The following MSRA variants were observed in gnomAD, a reference collection of about 807,000 sequenced individuals.
MSRA encodes the protein mitochondrial peptide methionine sulfoxide reductase.
MSRA carries 54 observed loss-of-function variants against 31.3 expected under a neutral mutation model. The observed-to-expected ratio is 1.73, with a 90% CI of 1.39 to 2.17. MSRA has a LOEUF of 2.17. Ranked by LOEUF, MSRA falls within the 30% of genes most tolerant of loss-of-function variation. The pLI, the probability that MSRA is intolerant of heterozygous loss-of-function variation, is 0.00. For missense variants in MSRA, 507 were observed against 300.9 expected (o/e 1.69, Z -5.07); for synonymous variants, 169 against 116.5 (o/e 1.45, Z -2.90).
At chr8:10,390,410 G>T (rs1238485646) in intron 5 of MSRA, among the ~76,000 whole-genome samples, 1 of 152,200 alleles carries the variant, frequency 6.6e-6, no homozygotes, top group African/African-American at 2.4e-5. Context: ...TAGGCTCCAT[G>T]TCTGCCCAGG....
At chr8:10,080,359 T>C (rs998752632) in intron 1 of MSRA, among the ~76,000 whole-genome samples, 1 of 151,796 alleles carries the variant, frequency 6.6e-6, no homozygotes, top group African/African-American at 2.4e-5. Flanking sequence ...AGACCAACCC[T>C]GTTTTCACTA....
At chr8:10,301,723 A>T in intron 4 of MSRA, 85 bp downstream of exon 4, 1 of 1,082,972 alleles carries the variant, frequency 9.2e-7, no homozygotes, top group African/African-American at 1.6e-5. Context: ...GAAGAGATGA[A>T]CCTTGAAATC....
At chr8:10,107,175 A>G (rs1799942499) in intron 1 of MSRA, among the ~76,000 whole-genome samples, 1 of 152,128 alleles carries the variant, frequency 6.6e-6, no homozygotes, top group Non-Finnish European at 1.5e-5. Flanking sequence ...GCTTTTCCTC[A>G]CCTTCTTGTC....
At chr8:10,218,623 T>G (rs1810217458) in intron 2 of MSRA, among the ~76,000 whole-genome samples, 1 of 152,240 alleles carries the variant, frequency 6.6e-6, no homozygotes, top group African/African-American at 2.4e-5. Flanking sequence ...AGATCCAGTT[T>G]GCTGAAGAAA....
intron 5 of MSRA, chr8:10,337,274 G>A (rs1563366128): frequency 6.4e-6 from 1 of 155,486 alleles, no homozygotes; most frequent in African/African-American, 2.4e-5. Context: ...CCACCTCGTG[G>A]GTTCACGCCA....
chr8:10,057,689 A>G (rs1309737183), intron 1 of MSRA, among the ~76,000 whole-genome samples: 2 of 151,994 alleles, frequency 1.3e-5, no homozygotes, highest in Non-Finnish European at 2.9e-5. Context: ...ACGAGATCTG[A>G]TTATTTAAAA....
At chr8:10,114,991 A>G (rs1198489157) in intron 1 of MSRA, among the ~76,000 whole-genome samples, 1 of 152,256 alleles carries the variant, frequency 6.6e-6, no homozygotes, top group African/African-American at 2.4e-5. Context: ...ATATTAAAAC[A>G]TACTATAAAA....
chr8:10,113,981 G>A (rs979252005), intron 1 of MSRA, among the ~76,000 whole-genome samples: 2 of 152,058 alleles, frequency 1.3e-5, no homozygotes, highest in African/African-American at 4.8e-5. Flanking sequence ...TCTTCCCCCT[G>A]TCCTTGGCAA....
intron 1 of MSRA, among the ~76,000 whole-genome samples, chr8:10,198,778 C>T (rs979870993): frequency 3.3e-5 from 5 of 152,152 alleles, no homozygotes; most frequent in Non-Finnish European, 7.3e-5. Context: ...TGCACACCAC[C>T]ATGCCTGGCT....
At chr8:10,168,995 A>G (rs945703322) in intron 1 of MSRA, among the ~76,000 whole-genome samples, 2 of 152,254 alleles carry the variant, frequency 1.3e-5, no homozygotes, top group Admixed American at 1.3e-4. Context: ...GTCTTGAGGT[A>G]GAACCTCATG....
chr8:10,321,691 C>T (rs895400268), intron 5 of MSRA, among the ~76,000 whole-genome samples: 9 of 152,152 alleles, frequency 5.9e-5, no homozygotes, highest in Non-Finnish European at 1.2e-4. Context: ...TCTGTTACCG[C>T]GTGAGAGATG....
At chr8:10,103,405 A>T (rs565425645) in intron 1 of MSRA, among the ~76,000 whole-genome samples, 1 of 152,330 alleles carries the variant, frequency 6.6e-6, no homozygotes, top group Admixed American at 6.5e-5. Context: ...GTGCTGTAGC[A>T]TTGACAGTGA....
chr8:10,361,799 T>C (rs1020059159), intron 5 of MSRA, among the ~76,000 whole-genome samples: 1 of 152,228 alleles, frequency 6.6e-6, no homozygotes, highest in African/African-American at 2.4e-5. Context: ...ACTTTTGTAA[T>C]GTAAAAAATG....
intron 5 of MSRA, among the ~76,000 whole-genome samples, chr8:10,406,205 G>A (rs1034338096): frequency 3.3e-5 from 5 of 152,232 alleles, no homozygotes; most frequent in African/African-American, 9.6e-5. Context: ...CAGTGGTCTC[G>A]CAGAAAGTCT....
At chr8:10,259,770 G>A (rs1378089548) in intron 3 of MSRA, among the ~76,000 whole-genome samples, 4 of 152,170 alleles carry the variant, frequency 2.6e-5, no homozygotes, top group Non-Finnish European at 4.4e-5. Context: ...ACCCTCTCCC[G>A]GACCTCAGCT....
At chr8:10,174,323 C>T (rs1435831085) in intron 1 of MSRA, among the ~76,000 whole-genome samples, 4 of 152,196 alleles carry the variant, frequency 2.6e-5, no homozygotes, top group Admixed American at 6.5e-5. Flanking sequence ...GTGAGCCGAG[C>T]AGATGGCGTG....
At chr8:10,112,768 G>T (rs754015744) in intron 1 of MSRA, among the ~76,000 whole-genome samples, 1 of 151,186 alleles carries the variant, frequency 6.6e-6, no homozygotes, top group Non-Finnish European at 1.5e-5. Flanking sequence ...GAGCCCTGCA[G>T]GGGTGGGGTT....
chr8:10,221,543 A>G (rs1003470322), intron 2 of MSRA, among the ~76,000 whole-genome samples: 1 of 152,150 alleles, frequency 6.6e-6, no homozygotes, highest in Non-Finnish European at 1.5e-5. Flanking sequence ...TAATGGCAGA[A>G]CTAGTTAATG....
intron 5 of MSRA, among the ~76,000 whole-genome samples, chr8:10,391,105 C>G (rs1349323529): frequency 2.6e-5 from 4 of 152,186 alleles, no homozygotes; most frequent in Admixed American, 6.5e-5. Context: ...ATTTCCCAGA[C>G]TTACTTGTCA....
Sources: gnomAD v4.1 joint callset for allele counts (sites outside exome capture counted in the v4.1 genomes callset) on GRCh38, gnomAD v4.1.1 for gene constraint, MANE v1.5 for transcripts, NCBI Gene and HGNC (gene_info 2026-07-23, HGNC 2026-07-21) for gene names.